EPB41: variants seen among roughly 807,000 people sequenced by gnomAD.
The protein encoded by EPB41 is protein 4.1.
In EPB41, 65 loss-of-function variants were observed where a neutral mutation model predicts 108.0. The observed-to-expected ratio is 0.60, with a 90% CI of 0.49 to 0.74. The LOEUF is 0.74. Ranked by LOEUF, EPB41 falls within the 30% of genes least tolerant of loss-of-function variation. The pLI is 0.00. For missense variants in EPB41, 875 were observed against 1,037.0 expected (o/e 0.84, Z 2.15); for synonymous variants, 336 against 358.9 (o/e 0.94, Z 0.72).
chr1:29,040,246 G>A (rs1243624419), intron 11 of EPB41, among the ~76,000 whole-genome samples: 1 of 151,708 alleles, frequency 6.6e-6, no homozygotes, highest in Non-Finnish European at 1.5e-5. Flanking sequence ...AGAGGAAAAG[G>A]GTCTGCCTTA....
rs574873347 is a variant in EPB41 at position 28,908,035 on chromosome 1, G to C, written c.-8+20825G>C. ...CTAATAATATTGCCTAAGTATTACTGTTAAGAAGTTAAATGCAATAATGAT... is the reference window on the plus strand; with the variant it reads ...CTAATAATATTGCCTAAGTATTACTCTTAAGAAGTTAAATGCAATAATGAT... On this transcript the variant is annotated intron_variant, in intron 1 of 16. Coordinates refer to the EPB41 transcript ENST00000347529. Among the ~76,000 whole-genome samples the C allele has an allele frequency of 6.6e-5, 10 of 152,122 alleles. No individual in the cohort carries two copies. The South Asian group carries it at 1.5e-3, about 22-fold the overall frequency.
chr1:28,943,658 A>C (rs1009358193), intron 1 of EPB41, among the ~76,000 whole-genome samples: 14 of 152,106 alleles, frequency 9.2e-5, no homozygotes, highest in South Asian at 4.1e-4. Flanking sequence ...CAGGAAAAAA[A>C]AAAACAAAAC....
intron 1 of EPB41, among the ~76,000 whole-genome samples, chr1:28,935,492 A>T: frequency 2.0e-5 from 1 of 50,120 alleles, no homozygotes; most frequent in Non-Finnish European, 4.1e-5. Flanking sequence ...AGATCTACGC[A>T]CTAACTGCTT....
chr1:28,914,048 G>A (rs1355154809), upstream of EPB41, among the ~76,000 whole-genome samples: 2 of 152,240 alleles, frequency 1.3e-5, no homozygotes, highest in African/African-American at 2.4e-5. Context: ...AGGGCGCCTA[G>A]AGACAGTCAA....
Position 29,115,623 on chromosome 1 carries a change from G to A in EPB41, c.2497-76G>A. The A allele has an allele frequency of 8.0e-7, 1 of 1,253,798 alleles. No individual in the cohort carries two copies. The highest frequency in any genetic ancestry group is 1.2e-6 in the Non-Finnish European group (1 of 862,834). 77.7% of individuals were successfully genotyped at this position (1,253,798 alleles called of 1,614,324 possible). A position where few individuals can be genotyped will look rare whatever the true frequency, so the allele number is the denominator to read the frequency against. ...GAGTATTGGATCTGTCAGAACATCA[G>A]AGAAATGATGACCACTGCCTTCCTT... On this transcript the variant is annotated intron_variant, in intron 19 of 20. Transcript: ENST00000343067. The surrounding 1 kb of genome is among the most constrained non-coding windows in gnomAD (Gnocchi z 4.4).
At position 28,921,961 on chromosome 1, in the gene EPB41, T is replaced by TATATATATATATATATGC. The variant is rs770764638; in HGVS notation, c.-8+7194_-8+7195insTATATATATATATATGCA. ...TTTTATATATATATATATATATATA[T>TATATATATATATATATGC]ACACTTTTTTTTTGTTTTTTTTTTT... On this transcript the variant is annotated intron_variant, in intron 1 of 20. Coordinates refer to ENST00000343067, the MANE Select transcript of EPB41 (RefSeq NM_001376013.1). 1.3e-3 allele frequency among the ~76,000 whole-genome samples: 143 copies of TATATATATATATATATGC among 109,900 alleles called. 1 individual carries two copies. Among genetic ancestry groups the TATATATATATATATATGC allele is most frequent in the Non-Finnish European group, 1.9e-3 (109 of 58,632 alleles). 72.1% of individuals were successfully genotyped at this position (109,900 alleles called of 152,430 possible). A position where few individuals can be genotyped will look rare whatever the true frequency, so the allele number is the denominator to read the frequency against.
At position 28,993,427 on chromosome 1, in the gene EPB41, C is replaced by G; in HGVS notation, c.566C>G (p.Pro189Arg). ...AAAATAGAAGTAAAAGAAGAAAGCC[C>G]TCAATCAAAAGCAGAAACAGAATTA... The part of the protein sequence containing the change: ...CSKIEVKEES[P>R]QSKAETELKA... Residue 189 changes from proline (P) to arginine (R), a missense_variant, in exon 3 of 21, where the codon CCT (proline) becomes CGT (arginine). Physicochemically the swap from Pro to Arg is moderately radical, Grantham distance 103. Around this residue, in one of 3 missense-constraint regions of EPB41, gnomAD observed 353 missense variants for 393.2 expected, o/e 0.90. Transcript: ENST00000343067. 1 of 1,613,936 alleles carries G rather than the reference C, an allele frequency of 6.2e-7. No individual in the cohort carries two copies. The highest frequency in any genetic ancestry group is 2.2e-5 in the East Asian group (1 of 44,856).
upstream of EPB41, among the ~76,000 whole-genome samples, chr1:28,911,946 C>T (rs1396625397): frequency 6.6e-6 from 1 of 152,130 alleles, no homozygotes; most frequent in East Asian, 1.9e-4. Flanking sequence ...GAGGCTGAGG[C>T]AGGAGAATCG....
chr1:28,938,337 G>A (rs560816279), intron 1 of EPB41, among the ~76,000 whole-genome samples: 79 of 152,182 alleles, frequency 5.2e-4, no homozygotes, highest in Admixed American at 1.5e-3. Context: ...CTATGAACAT[G>A]GGATTTTTTC....
upstream of EPB41, chr1:28,911,017 C>T (rs1374106035): frequency 6.1e-6 from 6 of 985,240 alleles, no homozygotes; most frequent in Non-Finnish European, 7.2e-6. Context: ...GGGACCTTTA[C>T]CCTTGGTACC....
At position 29,018,767 on chromosome 1, in the gene EPB41, A is replaced by C. The variant is rs2993712; in HGVS notation, c.1124+325A>C. Among the ~76,000 whole-genome samples, 119,155 of 152,082 alleles carry C rather than the reference A, an allele frequency of 0.78. 47,151 individuals carry two copies. Among genetic ancestry groups the C allele is most frequent in the East Asian group, 0.92 (4,776 of 5,176 alleles). The stretch of plus-strand genomic sequence containing the variant: ...TTTATTTTTTATCAGATTTAAAGCT[A>C]ATTATGCTGCATTAGGTACCTTGAG... On this transcript the variant is annotated intron_variant, in intron 7 of 20. Transcript: ENST00000343067. This position sits in a 1 kb window ranked among gnomAD's most constrained non-coding sequence, Gnocchi z 4.4.
At chr1:29,105,472 AGG>A (rs1666828157) in intron 17 of EPB41, among the ~76,000 whole-genome samples, 1 of 151,974 alleles carries the variant, frequency 6.6e-6, no homozygotes, top group African/African-American at 2.4e-5. Flanking sequence ...TCCTGACCTC[AGG>A]TGATCCACCC....
chr1:29,028,733 C>T (rs1434435726), intron 7 of EPB41, among the ~76,000 whole-genome samples: 1 of 152,172 alleles, frequency 6.6e-6, no homozygotes, highest in Non-Finnish European at 1.5e-5. Flanking sequence ...ACTTCAAGCT[C>T]CTTTCCAGCT....
chr1:28,922,899 T>C (rs1251316568), intron 1 of EPB41, among the ~76,000 whole-genome samples: 1 of 151,614 alleles, frequency 6.6e-6, no homozygotes, highest in Non-Finnish European at 1.5e-5. Context: ...AGTGCTGGAA[T>C]TACAGGTGTG....
chr1:28,887,542 C>T lies in EPB41; in HGVS notation c.-8+332C>T, dbSNP rs2089561710. 1.0e-6 allele frequency: 1 copy of T among 985,120 alleles called. No homozygotes were observed. The highest frequency in any genetic ancestry group is 1.2e-6 in the Non-Finnish European group (1 of 829,786). 61.0% of individuals were successfully genotyped at this position (985,120 alleles called of 1,614,324 possible). ...CTGCATTCGGTGTCCGCGGGAGAGT[C>T]CCTGCAGGTCGGCGCAGCCCCCGGC... On this transcript the variant is annotated intron_variant, in intron 1 of 16. Transcript: ENST00000347529. The surrounding 1 kb of genome is among the most constrained non-coding windows in gnomAD (Gnocchi z 4.9).
chr1:29,006,085 C>CT (rs1471252438), intron 4 of EPB41, among the ~76,000 whole-genome samples: 1 of 152,106 alleles, frequency 6.6e-6, no homozygotes, highest in Non-Finnish European at 1.5e-5. Context: ...GAAGATCCTG[C>CT]TTTTTTCCTC....
intron 1 of EPB41, among the ~76,000 whole-genome samples, chr1:28,936,264 A>T (rs988336144): frequency 6.6e-6 from 1 of 152,198 alleles, no homozygotes; most frequent in East Asian, 1.9e-4. Flanking sequence ...TCAGTTAGAG[A>T]TAAGAAAACT....
intron 1 of EPB41, among the ~76,000 whole-genome samples, chr1:28,959,736 T>G (rs1178917821): frequency 6.6e-6 from 1 of 152,196 alleles, no homozygotes; most frequent in Non-Finnish European, 1.5e-5. Flanking sequence ...TGGGTTTAAC[T>G]AATTTTTAAC....
chr1:28,895,111 C>T (rs1196821270), intron 1 of EPB41, among the ~76,000 whole-genome samples: 8 of 152,148 alleles, frequency 5.3e-5, no homozygotes, highest in Non-Finnish European at 1.5e-5. Flanking sequence ...AGACACCTCC[C>T]TTGAAGAATT....
Sources: allele counts gnomAD v4.1 joint callset (sites outside exome capture counted in the v4.1 genomes callset), GRCh38; gene constraint gnomAD v4.1.1; regional missense constraint gnomAD v4.1.1; non-coding constraint Gnocchi (gnomAD v3.1); transcripts MANE v1.5; gene names NCBI Gene and HGNC (gene_info 2026-07-23, HGNC 2026-07-21).